The following ANKRD44 variants were observed in gnomAD, a reference collection of about 807,000 sequenced individuals.
ANKRD44 encodes ankyrin repeat domain 44.
ANKRD44 carries 35 observed loss-of-function variants against 116.0 expected under a neutral mutation model. The ratio of observed to expected loss-of-function variants is 0.30; its 90% CI spans 0.23 to 0.40. The LOEUF (loss-of-function observed/expected upper bound fraction) is 0.40. Ranked by LOEUF, ANKRD44 falls within the 10% of genes least tolerant of loss-of-function variation. ANKRD44 has a pLI of 1.00. For synonymous variants in ANKRD44, 435 were observed against 461.8 expected, an observed-to-expected ratio of 0.94 and a Z score of 0.74; for missense variants, 1,014 against 1,242.6, an observed-to-expected ratio of 0.82 and a Z score of 2.77.
chr2:197,119,665 G>T (rs1405866620), intron 8 of ANKRD44, among the ~76,000 whole-genome samples: 1 of 152,164 alleles, frequency 6.6e-6, no homozygotes, highest in East Asian at 1.9e-4. Flanking sequence ...AATAGAGAAG[G>T]TTATTAAAAT....
intron 1 of ANKRD44, among the ~76,000 whole-genome samples, chr2:197,262,462 C>G (rs1310824773): frequency 2.0e-5 from 3 of 152,172 alleles, no homozygotes; most frequent in East Asian, 1.9e-4. Context: ...TGACCTACCC[C>G]CTAGTGGGTG....
chr2:197,294,678 C>T (rs1239420537), intron 1 of ANKRD44, among the ~76,000 whole-genome samples: 1 of 152,140 alleles, frequency 6.6e-6, no homozygotes, highest in Non-Finnish European at 1.5e-5. Context: ...TAATGAGCAA[C>T]ATTAGATTAG....
At chr2:197,102,084 A>AC (rs1355804109) in intron 9 of ANKRD44, among the ~76,000 whole-genome samples, 1 of 152,170 alleles carries the variant, frequency 6.6e-6, no homozygotes, top group Non-Finnish European at 1.5e-5. Flanking sequence ...AAAAACAAAA[A>AC]AAAATCCCCC....
chr2:197,126,052 G>C lies in ANKRD44; in HGVS notation c.262-15C>G, dbSNP rs866700468. ...TGTACTGCTTCCTACAACAAAAGCA[G>C]AGTTTGCAGAGGTCACTGACAGACG... is the stretch of plus-strand genomic sequence containing the variant. On this transcript the variant is annotated splice_polypyrimidine_tract_variant and intron_variant, in intron 4 of 27. Transcript: ENST00000282272. 5.0e-6 allele frequency: 8 copies of C among 1,613,832 alleles called. No homozygotes were observed. In the Admixed American group the frequency reaches 1.3e-4, roughly 27 times the overall value.
At chr2:197,072,646 T>C (rs1483855588) in intron 16 of ANKRD44, among the ~76,000 whole-genome samples, 1 of 152,232 alleles carries the variant, frequency 6.6e-6, no homozygotes, top group African/African-American at 2.4e-5. Context: ...TGGCACCTGA[T>C]AAGTGCCTGA....
intron 17 of ANKRD44, among the ~76,000 whole-genome samples, chr2:197,022,515 AT>A (rs1384271417): frequency 6.6e-6 from 1 of 152,128 alleles, no homozygotes; most frequent in Non-Finnish European, 1.5e-5. Flanking sequence ...CCTCCACAAC[AT>A]GTGAGGCATT....
chr2:197,086,869 C>T (rs1035294121), intron 12 of ANKRD44, 121 bp from the exon 13 acceptor site: 15 of 809,032 alleles, frequency 1.9e-5, no homozygotes, highest in African/African-American at 5.3e-5. Context: ...GTCTAAATTC[C>T]GCTAATAAAA....
Position 196,986,840 on chromosome 2 carries a change from T to C in ANKRD44, c.*2751A>G. On this transcript the variant is annotated 3_prime_UTR_variant, in exon 28 of 28. Coordinates refer to ENST00000282272, the MANE Select transcript of ANKRD44 (RefSeq NM_001195144.2). Reference sequence around the variant, plus strand: ...AGTCATTCACTGAACTAAAAGTCATTTTCCCCATTTTTACAGTCATGACAT... The same window carrying C: ...AGTCATTCACTGAACTAAAAGTCATCTTCCCCATTTTTACAGTCATGACAT... 4.1e-6 allele frequency: 4 copies of C among 985,438 alleles called. No individual in the cohort carries two copies. The highest frequency in any genetic ancestry group is 4.8e-6 in the Non-Finnish European group (4 of 829,918). 61.0% of individuals were successfully genotyped at this position (985,438 alleles called of 1,614,324 possible).
intron 13 of ANKRD44, among the ~76,000 whole-genome samples, chr2:197,084,902 A>G (rs1232552040): frequency 1.3e-5 from 2 of 152,200 alleles, no homozygotes; most frequent in Non-Finnish European, 2.9e-5. Context: ...ACATGTATAA[A>G]TCATTTAGTT....
At chr2:197,106,726 C>T (rs927680735) in intron 9 of ANKRD44, among the ~76,000 whole-genome samples, 9 of 150,630 alleles carry the variant, frequency 6.0e-5, no homozygotes, top group Non-Finnish European at 8.9e-5. Context: ...GGAGGCAAAG[C>T]TTGCAGTGAG....
intron 2 of ANKRD44, among the ~76,000 whole-genome samples, chr2:197,176,854 A>G (rs1224635913): frequency 6.6e-6 from 1 of 152,102 alleles, no homozygotes; most frequent in South Asian, 2.1e-4. Context: ...CCAACCCCCT[A>G]GGCTTCTTAC....
intron 1 of ANKRD44, among the ~76,000 whole-genome samples, chr2:197,213,570 C>T (rs760713093): frequency 6.6e-6 from 1 of 152,192 alleles, no homozygotes; most frequent in Non-Finnish European, 1.5e-5. Flanking sequence ...TCCAGCTAAG[C>T]ATTGCTCATT....
intron 4 of ANKRD44, 59 bp from the exon 5 acceptor site, chr2:197,126,096 G>C: frequency 1.3e-6 from 2 of 1,563,210 alleles, no homozygotes; most frequent in Non-Finnish European, 1.8e-6. Flanking sequence ...ATACTTACTG[G>C]TGTAAGATGC....
intron 3 of ANKRD44, among the ~76,000 whole-genome samples, chr2:197,143,056 A>G (rs2079406819): frequency 2.0e-5 from 3 of 150,978 alleles, no homozygotes; most frequent in Admixed American, 2.0e-4. Flanking sequence ...TATGCCTCAC[A>G]AACACTCCCG....
chr2:196,976,119 C>T (rs1481800370), intron 21 of ANKRD44, among the ~76,000 whole-genome samples: 1 of 151,828 alleles, frequency 6.6e-6, no homozygotes, highest in African/African-American at 2.4e-5. Context: ...GTGAAAAACC[C>T]ATGGTAAACA....
At chr2:197,140,320 T>C (rs1478670829) in intron 3 of ANKRD44, among the ~76,000 whole-genome samples, 1 of 151,940 alleles carries the variant, frequency 6.6e-6, no homozygotes, top group Admixed American at 6.6e-5. Flanking sequence ...GGCATTAAAA[T>C]ATATTGTTTA....
At chr2:197,207,646 T>C (rs188276913) in intron 1 of ANKRD44, among the ~76,000 whole-genome samples, 2 of 152,332 alleles carry the variant, frequency 1.3e-5, no homozygotes, top group Admixed American at 6.5e-5. Context: ...TCCTTTGCCA[T>C]GGTGCTCTTT....
chr2:197,080,882 C>T (rs760513531), intron 15 of ANKRD44, among the ~76,000 whole-genome samples: 1 of 152,194 alleles, frequency 6.6e-6, no homozygotes, highest in Non-Finnish European at 1.5e-5. Context: ...CACTGGATTC[C>T]ACAGGGGTGA....
intron 1 of ANKRD44, among the ~76,000 whole-genome samples, chr2:197,277,104 T>A (rs1417911453): frequency 6.6e-6 from 1 of 151,970 alleles, no homozygotes; most frequent in Non-Finnish European, 1.5e-5. Flanking sequence ...ATTTTTTGTA[T>A]TTTTAGTAGA....
Sources: gnomAD v4.1 joint callset for allele counts (sites outside exome capture counted in the v4.1 genomes callset) on GRCh38, gnomAD v4.1.1 for gene constraint, MANE v1.5 for transcripts, NCBI Gene and HGNC (gene_info 2026-07-23, HGNC 2026-07-21) for gene names.